DNAJC3: variants seen among roughly 807,000 people sequenced by gnomAD.
DNAJC3 encodes DnaJ heat shock protein family (Hsp40) member C3.
A neutral mutation model predicts 68.6 loss-of-function variants in DNAJC3; 38 were observed. The ratio of observed to expected loss-of-function variants is 0.55; its 90% CI spans 0.43 to 0.73. DNAJC3 has a LOEUF of 0.73. Ranked by LOEUF, DNAJC3 falls within the 30% of genes least tolerant of loss-of-function variation. The pLI, the probability that DNAJC3 is intolerant of heterozygous loss-of-function variation, is 0.00. For missense variants in DNAJC3, 526 were observed against 591.9 expected, an observed-to-expected ratio of 0.89 and a Z score of 1.16; for synonymous variants, 203 against 204.0, an observed-to-expected ratio of 1.00 and a Z score of 0.04.
At chr13:95,690,438 C>A (rs1268945979) in intron 1 of DNAJC3, among the ~76,000 whole-genome samples, 1 of 151,586 alleles carries the variant, frequency 6.6e-6, no homozygotes, top group Non-Finnish European at 1.5e-5. Context: ...CCCCACCTTT[C>A]CCCCCTTTCT....
At chr13:95,723,462 C>A in intron 3 of DNAJC3, 96 bp downstream of exon 3, 1 of 1,365,984 alleles carries the variant, frequency 7.3e-7, no homozygotes, top group Non-Finnish European at 9.9e-7. Context: ...CTAGACATAG[C>A]TGGAAGAGAT....
chr13:95,724,464 A>G (rs1042980380), intron 3 of DNAJC3, among the ~76,000 whole-genome samples: 2 of 152,214 alleles, frequency 1.3e-5, no homozygotes, highest in African/African-American at 4.8e-5. Context: ...AGTCATTGGT[A>G]AAGTCCCAAC....
rs1182507734 is a variant in DNAJC3, at chr13:95,794,659, TTAAGAG to T, written c.*3633_*3638del. 2.0e-5 allele frequency: 3 copies of T among 152,240 alleles called. No homozygotes were observed. The highest frequency in any genetic ancestry group is 4.4e-5 in the Non-Finnish European group (3 of 68,042). 9.4% of individuals were successfully genotyped at this position (152,240 alleles called of 1,614,324 possible). A position where few individuals can be genotyped will look rare whatever the true frequency, so the allele number is the denominator to read the frequency against. Reference sequence around the variant, plus strand: ...TGATCTCATTTGCTGAATGATTGATTTAAGAGTAAAATTAGCCACTGCGTGGCTTTG... The same window carrying T: ...TGATCTCATTTGCTGAATGATTGATTTAAAATTAGCCACTGCGTGGCTTTG... On this transcript the variant is annotated 3_prime_UTR_variant, in exon 12 of 12. Coordinates refer to ENST00000602402, the MANE Select transcript of DNAJC3 (RefSeq NM_006260.5).
chr13:95,762,603 TG>T (rs748879314), intron 7 of DNAJC3, among the ~76,000 whole-genome samples: 1 of 152,232 alleles, frequency 6.6e-6, no homozygotes, highest in Non-Finnish European at 1.5e-5. Context: ...TCCCAGAAGC[TG>T]GCTTTTTTGT....
intron 11 of DNAJC3, among the ~76,000 whole-genome samples, chr13:95,787,742 C>A (rs1312945932): frequency 6.6e-6 from 1 of 151,510 alleles, no homozygotes; most frequent in Non-Finnish European, 1.5e-5. Context: ...GTCTTTAACT[C>A]CTGGGCTAAA....
chr13:95,762,428 C>T (rs1431192529), intron 7 of DNAJC3, among the ~76,000 whole-genome samples: 1 of 152,058 alleles, frequency 6.6e-6, no homozygotes, highest in Non-Finnish European at 1.5e-5. Flanking sequence ...AAAAAAAGAA[C>T]CCAGGGAACG....
At chr13:95,679,746 T>C (rs993872931) in intron 1 of DNAJC3, among the ~76,000 whole-genome samples, 2 of 152,220 alleles carry the variant, frequency 1.3e-5, no homozygotes, top group Admixed American at 1.3e-4. Flanking sequence ...TTAATCTGCT[T>C]CACTATTGTA....
At chr13:95,720,704 C>T (rs1206064932) in intron 2 of DNAJC3, among the ~76,000 whole-genome samples, 2 of 152,124 alleles carry the variant, frequency 1.3e-5, no homozygotes, top group African/African-American at 2.4e-5. Context: ...ATTCAGGCTA[C>T]TGATTTTGCT....
intron 1 of DNAJC3, among the ~76,000 whole-genome samples, chr13:95,696,962 T>C (rs1880458233): frequency 6.6e-6 from 1 of 152,194 alleles, no homozygotes; most frequent in Non-Finnish European, 1.5e-5. Flanking sequence ...AGCCAGTGTC[T>C]TGTTTTTTTA....
In DNAJC3 at chr13:95,792,306, A is replaced by T. The variant is rs1203779258; in HGVS notation, c.*1276A>T. ...TTTTCCCTAAAAAATGTTAATCAAG[A>T]ATATTGAATATTTATGGCACTCTTG... On this transcript the variant is annotated 3_prime_UTR_variant, in exon 12 of 12. Transcript: ENST00000602402. 2.0e-5 allele frequency: 3 copies of T among 152,242 alleles called. No homozygotes were observed. Among genetic ancestry groups the T allele is most frequent in the African/African-American group, 7.2e-5 (3 of 41,460 alleles). 9.4% of individuals were successfully genotyped at this position (152,242 alleles called of 1,614,324 possible).
intron 4 of DNAJC3, among the ~76,000 whole-genome samples, chr13:95,746,204 G>A (rs1286562292): frequency 6.6e-6 from 1 of 152,144 alleles, no homozygotes; most frequent in Non-Finnish European, 1.5e-5. Context: ...TCAACTGTAT[G>A]GACAGTTTTA....
chr13:95,684,224 T>C (rs1001267231), intron 1 of DNAJC3, among the ~76,000 whole-genome samples: 2 of 152,158 alleles, frequency 1.3e-5, no homozygotes, highest in African/African-American at 2.4e-5. Context: ...TGAGGAGGGC[T>C]CAGAATGACC....
intron 4 of DNAJC3, among the ~76,000 whole-genome samples, chr13:95,738,140 A>T: frequency 6.7e-6 from 1 of 149,076 alleles, no homozygotes; most frequent in Non-Finnish European, 1.5e-5. Flanking sequence ...GTTTTGAGTG[A>T]GATTCTTAAT....
intron 2 of DNAJC3, among the ~76,000 whole-genome samples, chr13:95,722,528 T>C (rs575210492): frequency 8.6e-4 from 130 of 151,778 alleles, no homozygotes; most frequent in Non-Finnish European, 1.6e-3. Context: ...ATCCTAGCAC[T>C]TTGGGAAGCT....
intron 9 of DNAJC3, among the ~76,000 whole-genome samples, chr13:95,768,145 C>A (rs1883056438): frequency 6.6e-6 from 1 of 151,874 alleles, no homozygotes; most frequent in African/African-American, 2.4e-5. Flanking sequence ...TGTATATTTT[C>A]TTTGGAGTAT....
At chr13:95,729,381 C>T (rs377599854) in intron 4 of DNAJC3, among the ~76,000 whole-genome samples, 3 of 144,720 alleles carry the variant, frequency 2.1e-5, no homozygotes, top group South Asian at 2.2e-4. Context: ...TATCCTTCTC[C>T]CTCTCCCTCT....
At position 95,752,561 on chromosome 13, in the gene DNAJC3, C is replaced by T. The variant is rs952413808; in HGVS notation, c.394-5083C>T. 1.6e-4 allele frequency among the ~76,000 whole-genome samples: 24 copies of T among 152,220 alleles called. 1 individual carries two copies. The highest frequency in any genetic ancestry group is 1.9e-4 in the East Asian group (1 of 5,186). On this transcript the variant is annotated intron_variant, in intron 4 of 11. Coordinates refer to ENST00000602402, the MANE Select transcript of DNAJC3 (RefSeq NM_006260.5). ...TTTTTGTATTCTTTTTAGATAATTA[C>T]GAGTATTCTTCTTTGATGTTCCACA... is the stretch of plus-strand genomic sequence containing the variant.
At chr13:95,679,939 T>TC (rs1311512289) in intron 1 of DNAJC3, among the ~76,000 whole-genome samples, 2 of 152,220 alleles carry the variant, frequency 1.3e-5, no homozygotes, top group Non-Finnish European at 2.9e-5. Context: ...ATATTTGCCT[T>TC]TGTTTTCTTC....
rs894346089 is a variant in DNAJC3 at position 95,719,142 on chromosome 13, T to C, written c.194-4100T>C. 3.3e-5 allele frequency among the ~76,000 whole-genome samples: 5 copies of C among 152,326 alleles called. No individual in the cohort carries two copies. In the South Asian group the frequency reaches 1.0e-3, roughly 32 times the overall value. ...ACGTTTACTGGTTTATTATGTGATA[T>C]TACAAAGGATACAGACGAACAACCA... On this transcript the variant is annotated intron_variant, in intron 2 of 11. Coordinates refer to ENST00000602402, the MANE Select transcript of DNAJC3 (RefSeq NM_006260.5).
Sources: gnomAD v4.1 joint callset for allele counts (sites outside exome capture counted in the v4.1 genomes callset) on GRCh38, gnomAD v4.1.1 for gene constraint, MANE v1.5 for transcripts, NCBI Gene and HGNC (gene_info 2026-07-23, HGNC 2026-07-21) for gene names.